NPHP1: variants seen among roughly 807,000 people sequenced by gnomAD.
The protein encoded by NPHP1 is nephrocystin 1.
NPHP1 carries 70 observed loss-of-function variants against 90.4 expected under a neutral mutation model. That is an observed-to-expected ratio of 0.77 (90% confidence interval 0.64 to 0.95). The LOEUF (loss-of-function observed/expected upper bound fraction) is 0.95, where lower values mean the gene tolerates loss of function less well. Among genes scored for constraint, NPHP1 ranks in the 40% least tolerant of loss-of-function variants. The pLI is 0.00. For missense variants in NPHP1, 764 were observed against 795.9 expected (o/e 0.96, Z 0.48); for synonymous variants, 256 against 271.7 (o/e 0.94, Z 0.57).
Position 110,178,413 on chromosome 2 carries a change from G to T in NPHP1, c.329+10C>A, listed in dbSNP as rs764482387. The T allele has an allele frequency of 9.3e-6, 15 of 1,613,194 alleles. No individual in the cohort carries two copies. The highest frequency in any genetic ancestry group is 1.3e-5 in the Non-Finnish European group (15 of 1,179,546). On this transcript the variant is annotated intron_variant, in intron 4 of 19. Coordinates refer to ENST00000445609, the MANE Select transcript of NPHP1 (RefSeq NM_001128178.3). ...AAAAAAGAAAAAAGAAAGGTAGAAA[G>T]GAAGCATACTCAGTTATATTTTCTC...
chr2:110,130,078 G>T (rs1679674495), intron 17 of NPHP1, among the ~76,000 whole-genome samples: 1 of 152,146 alleles, frequency 6.6e-6, no homozygotes, highest in Admixed American at 6.5e-5. Flanking sequence ...AGGCAAAAGG[G>T]TGAGACGAAT....
intron 2 of NPHP1, among the ~76,000 whole-genome samples, chr2:110,183,522 G>A (rs1684060288): frequency 6.6e-6 from 1 of 152,066 alleles, no homozygotes; most frequent in African/African-American, 2.4e-5. Context: ...AATGCTCTCA[G>A]CTCTGAAAGC....
At chr2:110,138,030 A>T (rs1369865320) in intron 16 of NPHP1, among the ~76,000 whole-genome samples, 2 of 152,044 alleles carry the variant, frequency 1.3e-5, no homozygotes, top group Admixed American at 1.3e-4. Context: ...TTGTAGGGAC[A>T]TGGATGAAGC....
intron 16 of NPHP1, among the ~76,000 whole-genome samples, chr2:110,136,584 G>C (rs1680221167): frequency 6.6e-6 from 1 of 152,070 alleles, no homozygotes; most frequent in Non-Finnish European, 1.5e-5. Flanking sequence ...TTGCTACAAA[G>C]AGAATAAAAT....
Position 110,140,401 on chromosome 2 carries a change from G to A in NPHP1, c.1529+3141C>T, listed in dbSNP as rs750137466. ...AACAAATGACGCAGTCCTGAGGTAT[G>A]GAGCACAAGGACACAGGACCTTTAA... On this transcript the variant is annotated intron_variant, in intron 16 of 19. Transcript: ENST00000445609. Among the ~76,000 whole-genome samples, 55 of 152,096 alleles carry A rather than the reference G, an allele frequency of 3.6e-4. 1 individual carries two copies. Among genetic ancestry groups the A allele is most frequent in the Non-Finnish European group, 7.5e-4 (51 of 68,000 alleles).
At chr2:110,147,463 C>T (rs1490637323) in intron 13 of NPHP1, among the ~76,000 whole-genome samples, 1 of 152,082 alleles carries the variant, frequency 6.6e-6, no homozygotes, top group East Asian at 1.9e-4. Context: ...CATTTAATTA[C>T]TAGCACAGAG....
chr2:110,191,168 C>CAGGAAAGTGGG (rs1684703546), intron 2 of NPHP1, among the ~76,000 whole-genome samples: 1 of 152,064 alleles, frequency 6.6e-6, no homozygotes, highest in Admixed American at 6.5e-5. Flanking sequence ...ACAGTGGGTG[C>CAGGAAAGTGGG]AGGAAAGTGG....
chr2:110,174,340 T>C (rs148062532), intron 4 of NPHP1, among the ~76,000 whole-genome samples: 120 of 152,318 alleles, frequency 7.9e-4, no homozygotes, highest in African/African-American at 2.8e-3. Flanking sequence ...ACGTTTAGTA[T>C]TCCATTTTAT....
At chr2:110,167,392 T>A (rs546111119) in intron 6 of NPHP1, among the ~76,000 whole-genome samples, 2 of 152,202 alleles carry the variant, frequency 1.3e-5, no homozygotes. Flanking sequence ...GGAGACTGAG[T>A]TAATCACCAA....
chr2:110,182,955 C>T (rs915819608), intron 2 of NPHP1, among the ~76,000 whole-genome samples: 6 of 151,860 alleles, frequency 4.0e-5, no homozygotes, highest in African/African-American at 1.5e-4. Flanking sequence ...GGAAAATTTA[C>T]CAAGCAAATG....
At chr2:110,168,046 T>C (rs1233473764) in intron 6 of NPHP1, among the ~76,000 whole-genome samples, 4 of 152,200 alleles carry the variant, frequency 2.6e-5, no homozygotes, top group African/African-American at 7.2e-5. Flanking sequence ...AAAATGACCA[T>C]GTTATTTTAT....
At chr2:110,153,706 G>A (rs1020546287) in intron 11 of NPHP1, among the ~76,000 whole-genome samples, 1 of 152,128 alleles carries the variant, frequency 6.6e-6, no homozygotes, top group Non-Finnish European at 1.5e-5. Flanking sequence ...AGTGGGGCGG[G>A]TGCGGTAGCT....
intron 16 of NPHP1, among the ~76,000 whole-genome samples, chr2:110,141,376 TG>T (rs1401511086): frequency 6.6e-6 from 1 of 152,100 alleles, no homozygotes; most frequent in Non-Finnish European, 1.5e-5. Context: ...TACACCTTTA[TG>T]GGGTTGATAT....
rs537895205 is a variant in NPHP1 at position 110,145,865 on chromosome 2, T to C, written c.1352+888A>G. Among the ~76,000 whole-genome samples the C allele has an allele frequency of 2.6e-5, 4 of 152,280 alleles. No individual in the cohort carries two copies. The East Asian group carries it at 7.7e-4, about 29-fold the overall frequency. Reference sequence around the variant, plus strand: ...ACAAGAAACCTGGCACCCCAGGTAATGCACCCTCTAGGATGATGTCAAAGG... The same window carrying C: ...ACAAGAAACCTGGCACCCCAGGTAACGCACCCTCTAGGATGATGTCAAAGG... On this transcript the variant is annotated intron_variant, in intron 14 of 19. Coordinates refer to ENST00000445609, the MANE Select transcript of NPHP1 (RefSeq NM_001128178.3).
chr2:110,157,730 C>T (rs1327579932), intron 11 of NPHP1, among the ~76,000 whole-genome samples: 1 of 152,104 alleles, frequency 6.6e-6, no homozygotes, highest in African/African-American at 2.4e-5. Context: ...TCTCCACCTC[C>T]ACCTCTCTAA....
intron 2 of NPHP1, 79 bp from the exon 3 acceptor site, chr2:110,179,763 C>A: frequency 1.4e-6 from 1 of 701,822 alleles, no homozygotes; most frequent in South Asian, 1.6e-5. Context: ...ATCATTCAGT[C>A]GTTGAGCAGG....
chr2:110,129,194 C>T lies in NPHP1; in HGVS notation c.1708G>A (p.Ala570Thr), dbSNP rs372893275. 9 of 1,612,378 alleles carry T rather than the reference C, an allele frequency of 5.6e-6. No individual in the cohort carries two copies. Among genetic ancestry groups the T allele is most frequent in the Non-Finnish European group, 7.6e-6 (9 of 1,178,666 alleles). ...CAATGCATGCTACCCACCCTGAGAG[C>T]ATCCATCACATCAGGCTGCTCCAAG... ...MLLEQPDVMDALRSSWAGKES... is the reference protein window; with the variant it reads ...MLLEQPDVMDTLRSSWAGKES... The change falls in exon 18 of 20, where the codon GCT (alanine) becomes ACT (threonine). Residue 570 changes from alanine to threonine, a missense_variant. Physicochemically the swap from Ala to Thr is moderately conservative, Grantham distance 58. Transcript: ENST00000445609.
At chr2:110,135,728 G>A (rs973893036) in intron 16 of NPHP1, among the ~76,000 whole-genome samples, 9 of 152,080 alleles carry the variant, frequency 5.9e-5, no homozygotes, top group African/African-American at 1.4e-4. Context: ...TCTATCAAAA[G>A]GAAGATGTCT....
chr2:110,199,690 T>C (rs1024870845), intron 2 of NPHP1, among the ~76,000 whole-genome samples: 4 of 151,918 alleles, frequency 2.6e-5, no homozygotes, highest in African/African-American at 9.7e-5. Context: ...TTATGGGATA[T>C]AGAGGATCAG....
Sources: allele counts gnomAD v4.1 joint callset (sites outside exome capture counted in the v4.1 genomes callset), GRCh38; gene constraint gnomAD v4.1.1; transcripts MANE v1.5; gene names NCBI Gene and HGNC (gene_info 2026-07-23, HGNC 2026-07-21).